PRMT3: variants seen among roughly 807,000 people sequenced by gnomAD.
PRMT3 encodes protein arginine methyltransferase 3.
PRMT3 carries 62 observed loss-of-function variants against 71.9 expected under a neutral mutation model. That is an observed-to-expected ratio of 0.86 (90% CI 0.70 to 1.07). PRMT3 has a LOEUF of 1.07. Ranked by LOEUF, PRMT3 falls within the 50% of genes least tolerant of loss-of-function variation. The pLI is 0.00. For synonymous variants in PRMT3, 213 were observed against 220.4 expected, an observed-to-expected ratio of 0.97 and a Z score of 0.30; for missense variants, 663 against 643.0, an observed-to-expected ratio of 1.03 and a Z score of -0.34.
At chr11:20,427,363 A>C (rs1263244047) in intron 10 of PRMT3, among the ~76,000 whole-genome samples, 1 of 152,224 alleles carries the variant, frequency 6.6e-6, no homozygotes. Context: ...GGTATGTTAC[A>C]TAGCTTTATA....
intron 13 of PRMT3, among the ~76,000 whole-genome samples, chr11:20,469,397 G>C (rs1224799154): frequency 6.6e-6 from 1 of 152,132 alleles, no homozygotes; most frequent in African/African-American, 2.4e-5. Flanking sequence ...CTACTTAAAG[G>C]TATAGAAAGG....
At chr11:20,400,305 T>C (rs947469307) in intron 7 of PRMT3, among the ~76,000 whole-genome samples, 5 of 152,204 alleles carry the variant, frequency 3.3e-5, no homozygotes, top group Admixed American at 3.3e-4. Flanking sequence ...TGGTACATGT[T>C]TTAATTATAA....
chr11:20,436,740 G>A (rs189239622), intron 10 of PRMT3, among the ~76,000 whole-genome samples: 3 of 141,606 alleles, frequency 2.1e-5, no homozygotes, highest in African/African-American at 7.8e-5. Flanking sequence ...CCTGCAGTTT[G>A]TTTTTTTTTT....
rs11025587 is a variant in PRMT3, at chr11:20,495,337, A to C, written c.1486+1083A>C. On this transcript the variant is annotated intron_variant, in intron 15 of 15. Coordinates refer to ENST00000331079, the MANE Select transcript of PRMT3 (RefSeq NM_005788.4). Reference sequence around the variant, plus strand: ...AGCCGAGGCCAGTTTAAACCAGCCCAAGCAACATAGCAAGACCCTATCTCT... The same window carrying C: ...AGCCGAGGCCAGTTTAAACCAGCCCCAGCAACATAGCAAGACCCTATCTCT... 1.5e-4 allele frequency among the ~76,000 whole-genome samples: 23 copies of C among 152,174 alleles called. No homozygotes were observed. In the East Asian group the frequency reaches 4.5e-3, roughly 30 times the overall value.
At chr11:20,415,580 A>G (rs11025558) in intron 9 of PRMT3, among the ~76,000 whole-genome samples, 125,785 of 149,956 alleles carry the variant, frequency 0.84, 53,761 homozygotes, top group Non-Finnish European at 0.95. Context: ...CCAGCTTCAT[A>G]CCTCAGAGGC....
intron 5 of PRMT3, among the ~76,000 whole-genome samples, chr11:20,393,300 A>G (rs567615262): frequency 6.6e-6 from 1 of 152,168 alleles, no homozygotes. Flanking sequence ...ACAAAAAATT[A>G]GCCGGGCATG....
At position 20,461,831 on chromosome 11, in the gene PRMT3, GGTT is replaced by G. The variant is rs1441532529; in HGVS notation, c.1073-145_1073-143del. The G allele has an allele frequency of 1.4e-5, 8 of 551,964 alleles. No homozygotes were observed. The Admixed American group carries it at 2.8e-4, about 19-fold the overall frequency. The allele number at this position is 551,964 out of a possible 1,614,324, so 34.2% of individuals were successfully genotyped here. Reference sequence around the variant, plus strand: ...TAAAAGAGGCTACAAGATGAAGCATGGTTGTTTTTCCTGATCTATACCTTCATT... The same window carrying G: ...TAAAAGAGGCTACAAGATGAAGCATGGTTTTTCCTGATCTATACCTTCATT... On this transcript the variant is annotated intron_variant, in intron 11 of 15. Coordinates refer to ENST00000331079, the MANE Select transcript of PRMT3 (RefSeq NM_005788.4).
chr11:20,425,022 T>C (rs1849514291), intron 9 of PRMT3, among the ~76,000 whole-genome samples: 1 of 151,736 alleles, frequency 6.6e-6, no homozygotes, highest in Admixed American at 6.6e-5. Flanking sequence ...GAGGATCACT[T>C]GAGCTTGAGA....
At chr11:20,490,937 T>C (rs772246086) in intron 13 of PRMT3, among the ~76,000 whole-genome samples, 1 of 152,196 alleles carries the variant, frequency 6.6e-6, no homozygotes, top group Non-Finnish European at 1.5e-5. Context: ...TGTCTAGATA[T>C]AGAATTTTAA....
chr11:20,505,956 TAGATAG>T (rs963638067), intron 15 of PRMT3, among the ~76,000 whole-genome samples: 4 of 152,100 alleles, frequency 2.6e-5, no homozygotes, highest in African/African-American at 9.7e-5. Flanking sequence ...ATCATTTTTT[TAGATAG>T]AGATAGGGAA....
At chr11:20,506,720 A>C (rs935862380) in intron 15 of PRMT3, among the ~76,000 whole-genome samples, 10 of 152,196 alleles carry the variant, frequency 6.6e-5, no homozygotes, top group Non-Finnish European at 1.0e-4. Flanking sequence ...ATGGAGCCTC[A>C]TTGTGTCCAT....
chr11:20,453,763 C>T (rs1336859942), intron 11 of PRMT3, among the ~76,000 whole-genome samples: 1 of 151,832 alleles, frequency 6.6e-6, no homozygotes. Context: ...GTTGAATATC[C>T]CTTATCTAAA....
At chr11:20,404,126 A>G (rs1432894866) in intron 8 of PRMT3, among the ~76,000 whole-genome samples, 1 of 143,990 alleles carries the variant, frequency 6.9e-6, no homozygotes, top group Non-Finnish European at 1.5e-5. Context: ...AAATGATTTC[A>G]TTTAAAAATT....
intron 13 of PRMT3, among the ~76,000 whole-genome samples, chr11:20,493,016 GC>G (rs1292806820): frequency 6.6e-6 from 1 of 152,002 alleles, no homozygotes; most frequent in Non-Finnish European, 1.5e-5. Context: ...GTGTGGTGGC[GC>G]ACGCCTGTGG....
intron 10 of PRMT3, among the ~76,000 whole-genome samples, chr11:20,429,794 A>G (rs1849617890): frequency 6.6e-6 from 1 of 152,222 alleles, no homozygotes. Flanking sequence ...TATGGCAGTC[A>G]GCTCTGGATG....
chr11:20,405,229 TA>T (rs1268832575), intron 8 of PRMT3, among the ~76,000 whole-genome samples: 1 of 152,128 alleles, frequency 6.6e-6, no homozygotes, highest in African/African-American at 2.4e-5. Flanking sequence ...CACCCACTCA[TA>T]ATTAATTTCT....
intron 13 of PRMT3, among the ~76,000 whole-genome samples, chr11:20,467,523 G>A (rs567492866): frequency 3.9e-4 from 59 of 152,302 alleles, no homozygotes; most frequent in African/African-American, 1.1e-3. Context: ...AGCAGGCTTC[G>A]TGTTGCATTT....
intron 3 of PRMT3, among the ~76,000 whole-genome samples, chr11:20,391,109 A>G (rs751765130): frequency 1.3e-4 from 19 of 150,314 alleles, no homozygotes; most frequent in Non-Finnish European, 2.2e-4. Context: ...AAGAAGGGAC[A>G]TTACTGAAGA....
In PRMT3 at chr11:20,466,968, G is replaced by A. The variant is rs149601209; in HGVS notation, c.1347+2422G>A. 5.2e-3 allele frequency among the ~76,000 whole-genome samples: 785 copies of A among 152,128 alleles called. 26 individuals carry two copies. The highest frequency in any genetic ancestry group is 0.036 in the Admixed American group (557 of 15,270). On this transcript the variant is annotated intron_variant, in intron 13 of 15. Transcript: ENST00000331079. ...TTTATTTAGATTTGCATTTTTAGTC[G>A]CAACTTGCCTGAATGGTGTTTATGA... is the stretch of plus-strand genomic sequence containing the variant.
Sources: allele counts gnomAD v4.1 joint callset (sites outside exome capture counted in the v4.1 genomes callset), GRCh38; gene constraint gnomAD v4.1.1; transcripts MANE v1.5; gene names NCBI Gene and HGNC (gene_info 2026-07-23, HGNC 2026-07-21).